Variants in BRINP1 observed in about 807,000 individuals in gnomAD.
BRINP1 encodes BMP/retinoic acid-inducible neural-specific protein 1.
Under a neutral mutation model 72.9 loss-of-function variants are expected in BRINP1, and 17 were observed. The ratio of observed to expected loss-of-function variants is 0.23; its 90% CI spans 0.16 to 0.35. The LOEUF (loss-of-function observed/expected upper bound fraction) is 0.35. Ranked by LOEUF, BRINP1 falls within the 10% of genes least tolerant of loss-of-function variation. The probability of loss-of-function intolerance (pLI) is 1.00; values close to 1 mark genes in which losing one functional copy is unlikely to be tolerated. For missense variants in BRINP1, 850 were observed against 1,001.6 expected (o/e 0.85, Z 2.04); for synonymous variants, 418 against 378.5 (o/e 1.10, Z -1.21).
chr9:119,215,242 A>G (rs1462135429), intron 5 of BRINP1, among the ~76,000 whole-genome samples: 1 of 152,194 alleles, frequency 6.6e-6, no homozygotes, highest in African/African-American at 2.4e-5. Context: ...TCCTCTCTTT[A>G]TACTTGAATA....
chr9:119,281,084 G>A (rs1463819344), intron 2 of BRINP1, among the ~76,000 whole-genome samples: 1 of 152,128 alleles, frequency 6.6e-6, no homozygotes, highest in Non-Finnish European at 1.5e-5. Flanking sequence ...GTAGGAACCT[G>A]GAGGGCAAAG....
At chr9:119,294,077 C>T (rs1830850177) in intron 2 of BRINP1, among the ~76,000 whole-genome samples, 1 of 151,932 alleles carries the variant, frequency 6.6e-6, no homozygotes, top group African/African-American at 2.4e-5. Context: ...GTTGAAGATA[C>T]AAAATAAACA....
intron 1 of BRINP1, among the ~76,000 whole-genome samples, chr9:119,343,622 T>C (rs978800901): frequency 1.3e-5 from 2 of 152,162 alleles, no homozygotes; most frequent in African/African-American, 4.8e-5. Flanking sequence ...TATCTCCATC[T>C]CTGTAGGGTG....
chr9:119,367,739 A>G (rs1831710227), intron 1 of BRINP1, among the ~76,000 whole-genome samples: 1 of 152,158 alleles, frequency 6.6e-6, no homozygotes, highest in Non-Finnish European at 1.5e-5. Flanking sequence ...GTTTAAGTCA[A>G]TTACTGCCAC....
rs375138030 is a variant in BRINP1 at position 119,168,028 on chromosome 9, C to T, written c.1342G>A (p.Gly448Ser). 2.4e-5 allele frequency: 39 copies of T among 1,612,934 alleles called. No individual in the cohort carries two copies. The highest frequency in any genetic ancestry group is 5.5e-5 in the South Asian group (5 of 91,020). Reference sequence around the variant, plus strand: ...AGCTTGTAGCCCTTGTTGCAGGAGCCGCAGAGGGAGATGTTGGCCAGGCTG... The same window carrying T: ...AGCTTGTAGCCCTTGTTGCAGGAGCTGCAGAGGGAGATGTTGGCCAGGCTG... ...MCSLANISLC[G>S]SCNKGYKLYR... Residue 448 changes from glycine (G) to serine (S), a missense_variant, in exon 8 of 8, where the codon GGC (glycine) becomes AGC (serine). By Grantham distance (56) the Gly-to-Ser change is moderately conservative. Transcript: ENST00000265922.
intron 1 of BRINP1, among the ~76,000 whole-genome samples, chr9:119,353,906 G>A (rs1419710086): frequency 8.0e-6 from 1 of 124,654 alleles, no homozygotes; most frequent in Non-Finnish European, 1.6e-5. Context: ...GTTCCTGGAA[G>A]CACTATTTAG....
chr9:119,311,671 G>A (rs1246602188), intron 2 of BRINP1, among the ~76,000 whole-genome samples: 2 of 152,218 alleles, frequency 1.3e-5, no homozygotes, highest in African/African-American at 2.4e-5. Context: ...ACCAGTGCGT[G>A]AAGAACTGAA....
Position 119,167,755 on chromosome 9 carries a change from GGATGAAGTCCAT to G in BRINP1, c.1603_1614del (p.Met535_Ile538del). ...CGCATGGACATGCCGATCACCATGT[GGATGAAGTCCAT>G]GCGGTTCTTGTTGCTCTTGAGAGTG... On this transcript the variant is annotated inframe_deletion, in exon 8 of 8. Coordinates refer to ENST00000265922, the MANE Select transcript of BRINP1 (RefSeq NM_014618.3). This position sits in a 1 kb window ranked among gnomAD's most constrained non-coding sequence, Gnocchi z 4.3. 6.2e-7 allele frequency: 1 copy of G among 1,614,178 alleles called. No individual in the cohort carries two copies. Among genetic ancestry groups the G allele is most frequent in the Non-Finnish European group, 8.5e-7 (1 of 1,180,034 alleles).
intron 5 of BRINP1, among the ~76,000 whole-genome samples, chr9:119,227,576 G>C (rs577063585): frequency 6.6e-6 from 1 of 152,186 alleles, no homozygotes; most frequent in African/African-American, 2.4e-5. Context: ...AGGAAGCCAG[G>C]AACATAAATT....
intron 2 of BRINP1, among the ~76,000 whole-genome samples, chr9:119,303,291 GACACACACAC>G (rs35386714): frequency 1.2e-4 from 14 of 117,456 alleles, no homozygotes; most frequent in African/African-American, 3.6e-4. Flanking sequence ...CACACACACA[GACACACACAC>G]ACACACACAC....
At chr9:119,290,312 G>C (rs1032330504) in intron 2 of BRINP1, among the ~76,000 whole-genome samples, 20 of 152,270 alleles carry the variant, frequency 1.3e-4, no homozygotes, top group Admixed American at 2.6e-4. Context: ...GTCAGGAACA[G>C]ACAGACATAG....
intron 7 of BRINP1, among the ~76,000 whole-genome samples, chr9:119,184,396 C>T (rs777661143): frequency 1.1e-4 from 16 of 152,122 alleles, no homozygotes; most frequent in Non-Finnish European, 1.8e-4. Context: ...CGAAGATATT[C>T]TCAGCTAAAA....
At chr9:119,182,285 G>T (rs1255262376) in intron 7 of BRINP1, among the ~76,000 whole-genome samples, 1 of 152,062 alleles carries the variant, frequency 6.6e-6, no homozygotes, top group Non-Finnish European at 1.5e-5. Context: ...TCTTAAAAGT[G>T]CTCACCGTAA....
intron 1 of BRINP1, among the ~76,000 whole-genome samples, chr9:119,352,446 T>C (rs112482138): frequency 6.6e-6 from 1 of 152,182 alleles, no homozygotes; most frequent in Admixed American, 6.5e-5. Context: ...TCTTTTTTTC[T>C]TTTTTGAGAT....
In BRINP1 at chr9:119,171,839, T is replaced by C. The variant is rs542994176; in HGVS notation, c.1146-3615A>G. ...CAGGATTAAGAATCTCACTCAAAAC[T>C]GCTCAACTACATGGAAACTGAACAA... On this transcript the variant is annotated intron_variant, in intron 7 of 7. Transcript: ENST00000265922. 1.3e-3 allele frequency among the ~76,000 whole-genome samples: 153 copies of C among 117,186 alleles called. 1 individual carries two copies. Among genetic ancestry groups the C allele is most frequent in the African/African-American group, 5.2e-3 (136 of 26,244 alleles). 76.9% of individuals were successfully genotyped at this position (117,186 alleles called of 152,430 possible).
At chr9:119,349,030 T>C (rs1338303748) in intron 1 of BRINP1, among the ~76,000 whole-genome samples, 1 of 152,152 alleles carries the variant, frequency 6.6e-6, no homozygotes, top group African/African-American at 2.4e-5. Flanking sequence ...TTGAGTTATT[T>C]GCCAGGTTGA....
intron 1 of BRINP1, among the ~76,000 whole-genome samples, chr9:119,354,668 T>C (rs1831540624): frequency 6.6e-6 from 1 of 151,154 alleles, no homozygotes; most frequent in Non-Finnish European, 1.5e-5. Context: ...AAGACCAGCC[T>C]GGGCAACATA....
intron 2 of BRINP1, among the ~76,000 whole-genome samples, chr9:119,272,373 G>A (rs983069063): frequency 1.3e-5 from 2 of 152,198 alleles, no homozygotes; most frequent in Non-Finnish European, 2.9e-5. Flanking sequence ...GTGAGCCACT[G>A]CGCCCGGCAG....
chr9:119,230,314 C>T (rs1045652338), intron 5 of BRINP1, among the ~76,000 whole-genome samples: 1 of 152,012 alleles, frequency 6.6e-6, no homozygotes, highest in Non-Finnish European at 1.5e-5. Flanking sequence ...CCAAAACTTT[C>T]ACGGAGGCTG....
Sources: gnomAD v4.1 joint callset for allele counts (sites outside exome capture counted in the v4.1 genomes callset) on GRCh38, gnomAD v4.1.1 for gene constraint, Gnocchi (gnomAD v3.1) non-coding constraint, MANE v1.5 for transcripts, NCBI Gene and HGNC (gene_info 2026-07-23, HGNC 2026-07-21) for gene names.